The following HNF4G variants were observed in gnomAD, a reference collection of about 807,000 sequenced individuals.
The protein encoded by HNF4G is hepatocyte nuclear factor 4 gamma, also known as hepatocyte nuclear factor 4-gamma.
A neutral mutation model predicts 50.9 loss-of-function variants in HNF4G; 21 were observed. The ratio of observed to expected loss-of-function variants is 0.41; its 90% CI spans 0.29 to 0.59. The LOEUF is 0.59. Ranked by LOEUF, HNF4G falls within the 20% of genes least tolerant of loss-of-function variation. The pLI, the probability that HNF4G is intolerant of heterozygous loss-of-function variation, is 0.26. For missense variants in HNF4G, 527 were observed against 559.4 expected, an observed-to-expected ratio of 0.94 and a Z score of 0.58; for synonymous variants, 198 against 185.6, an observed-to-expected ratio of 1.07 and a Z score of -0.54.
chr8:75,440,734 T>C (rs961999263), intron 1 of HNF4G, among the ~76,000 whole-genome samples: 1 of 152,232 alleles, frequency 6.6e-6, no homozygotes, highest in Non-Finnish European at 1.5e-5. Flanking sequence ...ATTTAGCTAA[T>C]AATGTTAAAT....
chr8:75,479,871 GA>G (rs1265124204), intron 1 of HNF4G, among the ~76,000 whole-genome samples: 1 of 151,960 alleles, frequency 6.6e-6, no homozygotes, highest in East Asian at 1.9e-4. Context: ...TCAATTTGAG[GA>G]AAGTAGTCTA....
intron 1 of HNF4G, among the ~76,000 whole-genome samples, chr8:75,460,540 A>G (rs1181016785): frequency 6.6e-6 from 1 of 152,220 alleles, no homozygotes; most frequent in African/African-American, 2.4e-5. Flanking sequence ...AGTGTTATAT[A>G]TAAAAGAGTT....
intron 9 of HNF4G, among the ~76,000 whole-genome samples, chr8:75,561,491 C>A (rs762580491): frequency 6.6e-6 from 1 of 152,154 alleles, no homozygotes; most frequent in African/African-American, 2.4e-5. Context: ...AACAAGGAGG[C>A]AACACAGCCA....
intron 2 of HNF4G, among the ~76,000 whole-genome samples, chr8:75,521,117 A>C (rs1806028272): frequency 6.6e-6 from 1 of 152,206 alleles, no homozygotes; most frequent in Non-Finnish European, 1.5e-5. Context: ...GAAAATAACA[A>C]AAGAACTATT....
At chr8:75,524,836 AGT>A (rs1292934920) in intron 2 of HNF4G, among the ~76,000 whole-genome samples, 1 of 152,244 alleles carries the variant, frequency 6.6e-6, no homozygotes, top group Non-Finnish European at 1.5e-5. Context: ...TAAGAATATA[AGT>A]GTGCGTATAT....
intron 1 of HNF4G, among the ~76,000 whole-genome samples, chr8:75,453,178 A>G (rs2130584519): frequency 6.6e-6 from 1 of 152,324 alleles, no homozygotes; most frequent in African/African-American, 2.4e-5. Flanking sequence ...TGGCACCAAG[A>G]CTAATTACAC....
chr8:75,453,787 T>A (rs1811647939), intron 1 of HNF4G, among the ~76,000 whole-genome samples: 1 of 152,118 alleles, frequency 6.6e-6, no homozygotes, highest in Admixed American at 6.5e-5. Flanking sequence ...ATCCTAATGT[T>A]TTTTGCTTTG....
rs752672913 is a variant in HNF4G, at chr8:75,547,595, G to T, written c.296G>T (p.Arg99Leu). Residue 99 changes from arginine (R) to leucine (L), a missense_variant, in exon 3 of 10, where the codon CGG becomes CTG. By Grantham distance (102) the Arg-to-Leu change is moderately radical. Coordinates refer to ENST00000396423, the MANE Select transcript of HNF4G (RefSeq NM_004133.5). ...KSHVYSCRFS[R>L]QCVVDKDKRN... ...ATATCTTTATGTTATAGGTTCAGTC[G>T]GCAATGTGTTGTTGACAAGGACAAA... 8 of 1,606,092 alleles carry T rather than the reference G, an allele frequency of 5.0e-6. No homozygotes were observed. The highest frequency in any genetic ancestry group is 6.8e-6 in the Non-Finnish European group (8 of 1,173,160).
intron 8 of HNF4G, 111 bp downstream of exon 8, chr8:75,559,148 G>A: frequency 2.6e-6 from 2 of 762,152 alleles, no homozygotes; most frequent in Non-Finnish European, 4.5e-6. Flanking sequence ...TTGCTGTGAT[G>A]CTCCTGAATT....
chr8:75,558,636 T>C lies in HNF4G; in HGVS notation c.852T>C (p.Tyr284=). ...AAATCCAGATTGATGACAATGAGTATGCTTGTTTAAAGGCAATTGTATTTT... is the reference window on the plus strand; with the variant it reads ...AAATCCAGATTGATGACAATGAGTACGCTTGTTTAAAGGCAATTGTATTTT... The part of the protein sequence containing the change: ...FQEIQIDDNE[Y]ACLKAIVFFD... The change falls in exon 7 of 10, where the codon TAT becomes TAC. Residue 284 remains tyrosine (Y), a synonymous_variant. Coordinates refer to ENST00000396423, the MANE Select transcript of HNF4G (RefSeq NM_004133.5). 2 of 1,613,892 alleles carry C rather than the reference T, an allele frequency of 1.2e-6. No homozygotes were observed. The highest frequency in any genetic ancestry group is 2.2e-5 in the East Asian group (1 of 44,864).
intron 1 of HNF4G, among the ~76,000 whole-genome samples, chr8:75,452,113 G>A (rs990056626): frequency 1.3e-5 from 2 of 152,140 alleles, no homozygotes; most frequent in African/African-American, 4.8e-5. Context: ...GAAGGAGGGA[G>A]ATCATATGTT....
At chr8:75,547,455 T>G in intron 2 of HNF4G, 132 bp from the exon 3 acceptor site, 1 of 642,078 alleles carries the variant, frequency 1.6e-6, no homozygotes, top group South Asian at 1.9e-5. Context: ...GGAAAGGTCA[T>G]AGCTGATTGT....
At chr8:75,444,158 AT>A (rs1811362684) in intron 1 of HNF4G, among the ~76,000 whole-genome samples, 1 of 151,896 alleles carries the variant, frequency 6.6e-6, no homozygotes, top group African/African-American at 2.4e-5. Context: ...TCAACCCAGA[AT>A]TTCATATCCA....
At chr8:75,518,128 T>C in intron 2 of HNF4G, among the ~76,000 whole-genome samples, 1 of 127,144 alleles carries the variant, frequency 7.9e-6, no homozygotes, top group African/African-American at 3.0e-5. Context: ...CCTAATGCTA[T>C]CCCTCCCCCC....
In HNF4G at chr8:75,449,721, A is replaced by G. The variant is rs933654452; in HGVS notation, c.-143-40368A>G. On this transcript the variant is annotated intron_variant, in intron 1 of 10. Transcript: ENST00000354370. ...ACGGGGTTTCACCGTGTTAGCCCGG[A>G]TGGTCTCGATCTCCTGACCTCGTGA... Among the ~76,000 whole-genome samples the G allele has an allele frequency of 4.2e-4, 64 of 151,828 alleles. 1 individual carries two copies. Among genetic ancestry groups the G allele is most frequent in the African/African-American group, 1.4e-3 (60 of 41,408 alleles).
chr8:75,518,386 C>T (rs1243862493), intron 2 of HNF4G, among the ~76,000 whole-genome samples: 1 of 152,024 alleles, frequency 6.6e-6, no homozygotes, highest in East Asian at 1.9e-4. Context: ...GTTGGTGGGA[C>T]TGCAAACTAG....
intron 1 of HNF4G, among the ~76,000 whole-genome samples, chr8:75,411,041 C>T (rs1006654039): frequency 6.6e-6 from 1 of 152,172 alleles, no homozygotes; most frequent in Non-Finnish European, 1.5e-5. Context: ...CTGTGCTGTT[C>T]ATATTAACAT....
At chr8:75,452,676 G>C (rs916702345) in intron 1 of HNF4G, among the ~76,000 whole-genome samples, 15 of 144,800 alleles carry the variant, frequency 1.0e-4, no homozygotes, top group Middle Eastern at 3.4e-3. Context: ...ACGAGATCGT[G>C]CCACTGCACT....
intron 2 of HNF4G, among the ~76,000 whole-genome samples, chr8:75,514,338 CCTTT>C (rs35710059): frequency 0.094 from 12,313 of 130,612 alleles, 644 homozygotes; most frequent in Non-Finnish European, 0.13. Flanking sequence ...TCTTTTTTTT[CCTTT>C]CTTTCTTCTT....
Sources: gnomAD v4.1 joint callset for allele counts (sites outside exome capture counted in the v4.1 genomes callset) on GRCh38, gnomAD v4.1.1 for gene constraint, MANE v1.5 for transcripts, NCBI Gene and HGNC (gene_info 2026-07-23, HGNC 2026-07-21) for gene names.